RAPGEF3: variants seen among roughly 807,000 people sequenced by gnomAD.
RAPGEF3 encodes the protein Rap guanine nucleotide exchange factor 3.
Under a neutral mutation model 129.8 loss-of-function variants are expected in RAPGEF3, and 103 were observed. That is an observed-to-expected ratio of 0.79 (90% confidence interval 0.68 to 0.93). The LOEUF is 0.93. Among genes scored for constraint, RAPGEF3 ranks in the 40% least tolerant of loss-of-function variants. The probability of loss-of-function intolerance (pLI) is 0.00; values close to 1 mark genes in which losing one functional copy is unlikely to be tolerated. For synonymous variants in RAPGEF3, 436 were observed against 482.6 expected (o/e 0.90, Z 1.26); for missense variants, 1,117 against 1,207.4 (o/e 0.93, Z 1.11).
In RAPGEF3 at chr12:47,749,996, T is replaced by C; in HGVS notation, c.757-6A>G. On this transcript the variant is annotated splice_polypyrimidine_tract_variant and splice_region_variant and intron_variant, in intron 7 of 27. Coordinates refer to ENST00000449771, the MANE Select transcript of RAPGEF3 (RefSeq NM_001098531.4). This position sits in a 1 kb window ranked among gnomAD's most constrained non-coding sequence, Gnocchi z 4.5. ...GCCGCTAATTCTCGCTTCACCTGTG[T>C]GGTGGAGATAGGAGAGTCGGTGGCG... 1 of 1,614,124 alleles carries C rather than the reference T, an allele frequency of 6.2e-7. No homozygotes were observed. Among genetic ancestry groups the C allele is most frequent in the Non-Finnish European group, 8.5e-7 (1 of 1,180,012 alleles).
At position 47,758,006 on chromosome 12, in the gene RAPGEF3, G is replaced by C. The variant is rs199576694; in HGVS notation, c.79C>G (p.Arg27Gly). ...ACCACGTCAGGGAGGGCTCCCACCC[G>C]CGGTGCTCCCAGAGCTGGGCTATCC... is the stretch of plus-strand genomic sequence containing the variant. ...VEDSPALGAPRVGALPDVVPE... is the reference protein window; with the variant it reads ...VEDSPALGAPGVGALPDVVPE... The change falls in exon 2 of 28, where the codon CGG (arginine) becomes GGG (glycine). Residue 27 changes from arginine to glycine, a missense_variant. Coordinates refer to ENST00000449771, the MANE Select transcript of RAPGEF3 (RefSeq NM_001098531.4). The C allele has an allele frequency of 3.8e-6, 6 of 1,574,664 alleles. No individual in the cohort carries two copies. In the Admixed American group the frequency reaches 7.3e-5, roughly 19 times the overall value.
At chr12:47,737,968 G>T in intron 27 of RAPGEF3, 54 bp downstream of exon 27, 1 of 1,552,058 alleles carries the variant, frequency 6.4e-7, no homozygotes, top group Non-Finnish European at 8.9e-7. Context: ...GCCAGCCATG[G>T]GTAACTACCA....
chr12:47,751,620 C>T (rs1941755988), intron 4 of RAPGEF3, 100 bp from the exon 5 acceptor site: 11 of 1,598,164 alleles, frequency 6.9e-6, no homozygotes, highest in East Asian at 6.7e-5. Flanking sequence ...AAGCCTGGTT[C>T]GTCCCTGTGC....
chr12:47,752,419 C>T (rs1274854928), intron 2 of RAPGEF3: 4 of 181,876 alleles, frequency 2.2e-5, no homozygotes, highest in Non-Finnish European at 3.6e-5. Context: ...ACCTGATCCC[C>T]AGCCAGGTTC....
In RAPGEF3 at chr12:47,738,044, G is replaced by A. The variant is rs775429928; in HGVS notation, c.2631C>T (p.Ser877=). 6.8e-6 allele frequency: 11 copies of A among 1,614,000 alleles called. No individual in the cohort carries two copies. In the African/African-American group the frequency reaches 9.3e-5, roughly 14 times the overall value. The change falls in exon 27 of 28, where the codon AGC becomes AGT. Residue 877 remains serine, a synonymous_variant. Transcript: ENST00000449771. ...RSRVSHLHED[S]QVARISTCSE... is the part of the protein sequence containing the mutation. ...TACATGTGGAAATCCTCGCCACCTG[G>A]CTGTCCTCGTGGAGGTGGGAAACTC...
Position 47,758,043 on chromosome 12 carries a change from GCCCA to G in RAPGEF3, c.38_41del (p.Val13AlafsTer32), listed in dbSNP as rs577376634. ...GAGCTGGGCTATCCTCCACAGCCAG[GCCCA>G]CCTGCCAGCAGCTCTCACCTGGCCA... On this transcript the variant is annotated frameshift_variant, in exon 2 of 28. Coordinates refer to ENST00000449771, the MANE Select transcript of RAPGEF3 (RefSeq NM_001098531.4). LOFTEE classifies it high-confidence loss of function. 6,399 of 1,573,692 alleles carry G rather than the reference GCCCA, an allele frequency of 4.1e-3. 16 individuals are homozygous for G. Among genetic ancestry groups the G allele is most frequent in the Non-Finnish European group, 5.2e-3 (6,063 of 1,159,432 alleles).
chr12:47,758,205 C>A (rs903483945), intron 1 of RAPGEF3, 127 bp from the exon 2 acceptor site: 21 of 1,440,444 alleles, frequency 1.5e-5, no homozygotes, highest in Non-Finnish European at 1.8e-5. Context: ...GGTGCTGCAA[C>A]CCTGCCAGGA....
chr12:47,745,636 C>T (rs1280220981), intron 16 of RAPGEF3: 1 of 152,072 alleles, frequency 6.6e-6, no homozygotes, highest in East Asian at 2.0e-4. Flanking sequence ...CTGGAGTTGG[C>T]TCTTCCCCTC....
intron 18 of RAPGEF3, 160 bp from the exon 19 acceptor site, chr12:47,741,762 CCCACGCAG>C: frequency 1.1e-5 from 7 of 631,326 alleles, no homozygotes; most frequent in East Asian, 5.5e-5. Flanking sequence ...GGTGCATGTG[CCCACGCAG>C]CCACGCAGCC....
rs114220600 is a variant in RAPGEF3 at position 47,756,665 on chromosome 12, C to T, written c.219+1201G>A. On this transcript the variant is annotated intron_variant, in intron 2 of 27. Transcript: ENST00000449771. ...GTGGTGGTTATTCCACTCAAAAGGA[C>T]TTGCCAATAAGAAGTGAACTCTCGG... Among the ~76,000 whole-genome samples the T allele has an allele frequency of 2.9e-3, 443 of 152,238 alleles. 5 individuals are homozygous for T. Among genetic ancestry groups the T allele is most frequent in the African/African-American group, 0.011 (437 of 41,538 alleles).
intron 15 of RAPGEF3, 63 bp from the exon 16 acceptor site, chr12:47,746,962 C>A: frequency 6.7e-7 from 1 of 1,503,062 alleles, no homozygotes; most frequent in South Asian, 1.2e-5. Flanking sequence ...AGCAGGGAGG[C>A]CCTTGGGGCT....
At chr12:47,750,252 G>T in intron 7 of RAPGEF3, 89 bp downstream of exon 7, 1 of 1,362,914 alleles carries the variant, frequency 7.3e-7, no homozygotes, top group Non-Finnish European at 1.0e-6. Context: ...GTGGAGAAAT[G>T]CCCTCTGGCC....
At chr12:47,741,472 TC>T in intron 19 of RAPGEF3, 32 bp downstream of exon 19, 2 of 1,580,924 alleles carry the variant, frequency 1.3e-6, no homozygotes, top group South Asian at 2.2e-5. Flanking sequence ...ATAGATCTCC[TC>T]CCTGGGCCCT....
chr12:47,743,111 GATA>G (rs1314854386), intron 18 of RAPGEF3, among the ~76,000 whole-genome samples: 2 of 152,346 alleles, frequency 1.3e-5, no homozygotes, highest in East Asian at 3.9e-4. Context: ...CACAAATGAT[GATA>G]ATAATAGCAG....
At chr12:47,743,963 G>A in intron 17 of RAPGEF3, 24 bp downstream of exon 17, 2 of 1,559,592 alleles carry the variant, frequency 1.3e-6, no homozygotes, top group Non-Finnish European at 1.8e-6. Flanking sequence ...GTCGGGCTGT[G>A]CCCAGCCGGC....
chr12:47,752,090 G>T, intron 2 of RAPGEF3, 121 bp from the exon 3 acceptor site: 1 of 1,029,744 alleles, frequency 9.7e-7, no homozygotes, highest in Non-Finnish European at 1.5e-6. Flanking sequence ...GCATCCATGT[G>T]GCCACTCCTT....
intron 11 of RAPGEF3, 137 bp downstream of exon 11, chr12:47,748,682 G>A (rs1229746165): frequency 9.9e-7 from 1 of 1,013,782 alleles, no homozygotes; most frequent in African/African-American, 1.6e-5. Flanking sequence ...GACTGGCTCA[G>A]CAGGCACATC....
chr12:47,749,288 T>C lies in RAPGEF3; in HGVS notation c.1041+102A>G. On this transcript the variant is annotated intron_variant, in intron 10 of 27. Coordinates refer to ENST00000449771, the MANE Select transcript of RAPGEF3 (RefSeq NM_001098531.4). This position sits in a 1 kb window ranked among gnomAD's most constrained non-coding sequence, Gnocchi z 4.5. Reference sequence around the variant, plus strand: ...CTGTCATAGCCCAGCATCTCTTACCTGCCCTGCTTCTTACAGGCCCTCTGC... The same window carrying C: ...CTGTCATAGCCCAGCATCTCTTACCCGCCCTGCTTCTTACAGGCCCTCTGC... 1 of 1,425,570 alleles carries C rather than the reference T, an allele frequency of 7.0e-7. No homozygotes were observed. The highest frequency in any genetic ancestry group is 9.7e-7 in the Non-Finnish European group (1 of 1,027,372). 88.3% of individuals were successfully genotyped at this position (1,425,570 alleles called of 1,614,324 possible). A position where few individuals can be genotyped will look rare whatever the true frequency, so the allele number is the denominator to read the frequency against.
At chr12:47,757,746 G>A (rs1481798034) in intron 2 of RAPGEF3, 120 bp downstream of exon 2, 4 of 949,638 alleles carry the variant, frequency 4.2e-6, no homozygotes, top group Non-Finnish European at 6.2e-6. Flanking sequence ...GTCCACGGCA[G>A]CTGTACCACT....
Sources: allele counts gnomAD v4.1 joint callset (sites outside exome capture counted in the v4.1 genomes callset), GRCh38; gene constraint gnomAD v4.1.1; non-coding constraint Gnocchi (gnomAD v3.1); transcripts MANE v1.5; gene names NCBI Gene and HGNC (gene_info 2026-07-23, HGNC 2026-07-21).